The following VPS13B variants were observed in gnomAD, a reference collection of about 807,000 sequenced individuals.
VPS13B encodes the protein intermembrane lipid transfer protein VPS13B.
In VPS13B, 285 loss-of-function variants were observed where a neutral mutation model predicts 426.4. That is an observed-to-expected ratio of 0.67 (90% CI 0.61 to 0.74). VPS13B has a LOEUF of 0.74. Ranked by LOEUF, VPS13B falls within the 30% of genes least tolerant of loss-of-function variation. The pLI is 0.00. For missense variants in VPS13B, 4,537 were observed against 4,782.6 expected, an observed-to-expected ratio of 0.95 and a Z score of 1.51; for synonymous variants, 1,676 against 1,676.4, an observed-to-expected ratio of 1.00 and a Z score of 0.01.
intron 54 of VPS13B, among the ~76,000 whole-genome samples, chr8:99,836,473 A>G (rs759205329): frequency 8.2e-6 from 1 of 122,176 alleles, no homozygotes; most frequent in Non-Finnish European, 1.5e-5. Context: ...CTCTGTCTCT[A>G]TGAATTTGCC....
chr8:99,112,595 GAATT>G (rs1847420837), intron 6 of VPS13B, among the ~76,000 whole-genome samples: 1 of 152,190 alleles, frequency 6.6e-6, no homozygotes, highest in African/African-American at 2.4e-5. Context: ...ACATGGAAAA[GAATT>G]AACTCAGTAA....
chr8:99,453,819 C>T (rs1225932760), intron 23 of VPS13B, among the ~76,000 whole-genome samples: 1 of 152,162 alleles, frequency 6.6e-6, no homozygotes, highest in Non-Finnish European at 1.5e-5. Context: ...CCTGCGCAGC[C>T]TCTCCAATTC....
intron 2 of VPS13B, among the ~76,000 whole-genome samples, chr8:99,029,175 C>G (rs577389884): frequency 1.4e-5 from 2 of 142,358 alleles, no homozygotes; most frequent in South Asian, 2.3e-4. Context: ...ACATCTCAGA[C>G]GATGGGCGGC....
intron 39 of VPS13B, among the ~76,000 whole-genome samples, chr8:99,765,527 G>A (rs931118613): frequency 2.9e-4 from 44 of 152,296 alleles, no homozygotes; most frequent in African/African-American, 1.0e-3. Flanking sequence ...TAAGACTCCT[G>A]GTCAGAAGCA....
At chr8:99,331,588 T>C (rs1175672163) in intron 19 of VPS13B, among the ~76,000 whole-genome samples, 2 of 151,846 alleles carry the variant, frequency 1.3e-5, no homozygotes, top group African/African-American at 4.8e-5. Flanking sequence ...AATTAAAATA[T>C]AACCTGTAAG....
intron 15 of VPS13B, among the ~76,000 whole-genome samples, chr8:99,157,958 A>G (rs1260690177): frequency 1.3e-5 from 2 of 152,240 alleles, no homozygotes; most frequent in African/African-American, 4.8e-5. Flanking sequence ...TCAATTCTGT[A>G]AATGCTGAGA....
chr8:99,750,323 C>T (rs763383567), intron 39 of VPS13B, among the ~76,000 whole-genome samples: 17 of 152,064 alleles, frequency 1.1e-4, no homozygotes, highest in Non-Finnish European at 1.6e-4. Flanking sequence ...TGTCTCCAAC[C>T]AGGTGGAAAA....
chr8:99,064,022 A>G (rs912622500), intron 3 of VPS13B, among the ~76,000 whole-genome samples: 3 of 152,184 alleles, frequency 2.0e-5, no homozygotes, highest in African/African-American at 7.2e-5. Flanking sequence ...TTAGAAGGAA[A>G]AAGAAGGAAA....
intron 2 of VPS13B, among the ~76,000 whole-genome samples, chr8:99,031,506 A>G (rs1382072306): frequency 1.3e-5 from 2 of 152,126 alleles, no homozygotes; most frequent in African/African-American, 4.8e-5. Context: ...GTTTATCTAG[A>G]GGAACAACCA....
At chr8:99,731,354 A>G (rs1427626588) in intron 39 of VPS13B, among the ~76,000 whole-genome samples, 1 of 152,192 alleles carries the variant, frequency 6.6e-6, no homozygotes, top group Admixed American at 6.5e-5. Flanking sequence ...TGTACTGTTT[A>G]GAGCTAAGGT....
rs1820966752 is a variant in VPS13B at position 99,497,236 on chromosome 8, T to C, written c.3871-4451T>C. ...ATATATAAATACATGTATTTATATA[T>C]ACATATATGTATGTATTTATGTATC... On this transcript the variant is annotated intron_variant, in intron 25 of 61. Coordinates refer to ENST00000357162, the MANE Select transcript of VPS13B (RefSeq NM_152564.5). Among the ~76,000 whole-genome samples, 4 of 142,982 alleles carry C rather than the reference T, an allele frequency of 2.8e-5. No homozygotes were observed. The Admixed American group carries it at 2.9e-4, about 10-fold the overall frequency. 93.8% of individuals were successfully genotyped at this position (142,982 alleles called of 152,430 possible). A position where few individuals can be genotyped will look rare whatever the true frequency, so the allele number is the denominator to read the frequency against.
chr8:99,073,727 A>T (rs1587998898), intron 3 of VPS13B, among the ~76,000 whole-genome samples: 1 of 138,866 alleles, frequency 7.2e-6, no homozygotes, highest in African/African-American at 2.7e-5. Flanking sequence ...TTTGGTGTGG[A>T]AACCCAGGAC....
At chr8:99,208,635 G>C (rs1814879382) in intron 17 of VPS13B, among the ~76,000 whole-genome samples, 1 of 151,990 alleles carries the variant, frequency 6.6e-6, no homozygotes, top group African/African-American at 2.4e-5. Flanking sequence ...TTTGCATAAA[G>C]TGAATACTTA....
intron 54 of VPS13B, among the ~76,000 whole-genome samples, chr8:99,837,060 A>AT (rs1815435442): frequency 6.6e-6 from 1 of 152,098 alleles, no homozygotes. Context: ...CTCCTGGTGC[A>AT]TTTTTTCTCA....
At chr8:99,064,341 A>T (rs2132309432) in intron 3 of VPS13B, among the ~76,000 whole-genome samples, 1 of 152,330 alleles carries the variant, frequency 6.6e-6, no homozygotes, top group Non-Finnish European at 1.5e-5. Context: ...ATCCATTGCA[A>T]GGAAGCTAAA....
At chr8:99,251,651 G>A (rs900901610) in intron 17 of VPS13B, among the ~76,000 whole-genome samples, 1 of 151,994 alleles carries the variant, frequency 6.6e-6, no homozygotes, top group African/African-American at 2.4e-5. Flanking sequence ...TTTTGTAATA[G>A]CTTTGGTTTT....
intron 13 of VPS13B, among the ~76,000 whole-genome samples, chr8:99,144,945 A>C (rs778971579): frequency 6.6e-6 from 1 of 152,242 alleles, no homozygotes; most frequent in Non-Finnish European, 1.5e-5. Flanking sequence ...GTTTTCTCTG[A>C]AGTTTATATG....
intron 40 of VPS13B, among the ~76,000 whole-genome samples, chr8:99,773,108 G>T (rs1811591442): frequency 6.6e-6 from 1 of 152,194 alleles, no homozygotes; most frequent in Non-Finnish European, 1.5e-5. Flanking sequence ...TGGACATCAT[G>T]CTAAGTAGTT....
intron 19 of VPS13B, among the ~76,000 whole-genome samples, chr8:99,296,636 T>C (rs1349817413): frequency 6.6e-6 from 1 of 152,214 alleles, no homozygotes; most frequent in African/African-American, 2.4e-5. Flanking sequence ...ATTCCTATGT[T>C]AAAACTTAAT....
Sources: allele counts gnomAD v4.1 joint callset (sites outside exome capture counted in the v4.1 genomes callset), GRCh38; gene constraint gnomAD v4.1.1; transcripts MANE v1.5; gene names NCBI Gene and HGNC (gene_info 2026-07-23, HGNC 2026-07-21).